The following ROBO1 variants were observed in gnomAD, a reference collection of about 807,000 sequenced individuals.
ROBO1 encodes the protein roundabout guidance receptor 1, also known as roundabout homolog 1.
Under a neutral mutation model 195.9 loss-of-function variants are expected in ROBO1, and 149 were observed. The observed-to-expected ratio is 0.76, with a 90% CI of 0.67 to 0.87. The LOEUF is 0.87. Ranked by LOEUF, ROBO1 falls within the 40% of genes least tolerant of loss-of-function variation. The probability of loss-of-function intolerance (pLI) is 0.00; values close to 1 mark genes in which losing one functional copy is unlikely to be tolerated. For missense variants in ROBO1, 1,933 were observed against 2,068.3 expected, an observed-to-expected ratio of 0.93 and a Z score of 1.27; for synonymous variants, 816 against 733.2, an observed-to-expected ratio of 1.11 and a Z score of -1.82.
chr3:78,804,933 A>C (rs2084489500), intron 4 of ROBO1, among the ~76,000 whole-genome samples: 1 of 152,014 alleles, frequency 6.6e-6, no homozygotes, highest in Non-Finnish European at 1.5e-5. Flanking sequence ...GGCTTGTAAA[A>C]GCTCCTTGAA....
At chr3:79,337,689 C>G (rs892342689) in intron 2 of ROBO1, among the ~76,000 whole-genome samples, 1 of 152,126 alleles carries the variant, frequency 6.6e-6, no homozygotes, top group African/African-American at 2.4e-5. Flanking sequence ...TATACTTTAT[C>G]AAAATATTTA....
intron 2 of ROBO1, among the ~76,000 whole-genome samples, chr3:79,386,306 C>T (rs984494365): frequency 6.6e-5 from 10 of 151,914 alleles, no homozygotes; most frequent in Non-Finnish European, 1.3e-4. Context: ...TTTGTACAAA[C>T]TCAATGACTA....
chr3:78,950,057 T>C (rs1359658105), intron 3 of ROBO1, among the ~76,000 whole-genome samples: 2 of 152,300 alleles, frequency 1.3e-5, no homozygotes, highest in Admixed American at 6.5e-5. Context: ...TTTTCCACTG[T>C]TGGTGGGACT....
At chr3:79,562,920 T>A (rs150359904) in intron 2 of ROBO1, among the ~76,000 whole-genome samples, 1 of 151,990 alleles carries the variant, frequency 6.6e-6, no homozygotes, top group Admixed American at 6.6e-5. Flanking sequence ...TGATCATAAA[T>A]GAACTAAAGA....
At chr3:79,595,418 G>A (rs1056456909) in intron 1 of ROBO1, among the ~76,000 whole-genome samples, 4 of 151,934 alleles carry the variant, frequency 2.6e-5, no homozygotes, top group African/African-American at 9.7e-5. Context: ...ATCAGTGCAC[G>A]ACACCTATTT....
intron 2 of ROBO1, among the ~76,000 whole-genome samples, chr3:79,373,355 C>A (rs1290002920): frequency 1.3e-5 from 2 of 152,148 alleles, no homozygotes; most frequent in East Asian, 3.9e-4. Context: ...CTTCACTTTG[C>A]CTTATTTCTG....
intron 1 of ROBO1, among the ~76,000 whole-genome samples, chr3:79,754,186 C>T (rs1257644270): frequency 6.6e-6 from 1 of 151,828 alleles, no homozygotes; most frequent in Non-Finnish European, 1.5e-5. Context: ...GAGCCATGGC[C>T]CCAAGGAAAT....
At chr3:79,222,162 T>C (rs553316263) in intron 2 of ROBO1, among the ~76,000 whole-genome samples, 59 of 152,040 alleles carry the variant, frequency 3.9e-4, no homozygotes, top group Non-Finnish European at 5.7e-4. Context: ...TTTCCTCTCA[T>C]CATAAACATT....
chr3:79,687,085 T>G lies in ROBO1; in HGVS notation c.-51+80667A>C, dbSNP rs112388762. On this transcript the variant is annotated intron_variant, in intron 1 of 30. Transcript: ENST00000464233. ...CCGCTTATCTACAACCGTCTGATCTTTGACAAACCTGAGAAAAACAAGAAA... is the reference window on the plus strand; with the variant it reads ...CCGCTTATCTACAACCGTCTGATCTGTGACAAACCTGAGAAAAACAAGAAA... 2.0e-3 allele frequency among the ~76,000 whole-genome samples: 309 copies of G among 152,286 alleles called. 3 individuals are homozygous for G. The highest frequency in any genetic ancestry group is 3.5e-3 in the Non-Finnish European group (236 of 68,012).
intron 2 of ROBO1, among the ~76,000 whole-genome samples, chr3:79,402,567 T>C (rs1320119142): frequency 6.6e-6 from 1 of 151,928 alleles, no homozygotes; most frequent in Non-Finnish European, 1.5e-5. Flanking sequence ...ATGTGCTCAC[T>C]CTTTATGGAC....
At chr3:79,202,820 T>A (rs1223429077) in intron 2 of ROBO1, among the ~76,000 whole-genome samples, 1 of 152,096 alleles carries the variant, frequency 6.6e-6, no homozygotes, top group Non-Finnish European at 1.5e-5. Flanking sequence ...GCCTTAATTT[T>A]GGTTTCCAAA....
At chr3:79,341,992 T>G (rs1490065783) in intron 2 of ROBO1, among the ~76,000 whole-genome samples, 2 of 152,086 alleles carry the variant, frequency 1.3e-5, no homozygotes, top group African/African-American at 4.8e-5. Flanking sequence ...TTATTACATG[T>G]TGAGGGAAAA....
chr3:78,820,473 C>A (rs948598342), intron 4 of ROBO1, among the ~76,000 whole-genome samples: 3 of 152,118 alleles, frequency 2.0e-5, no homozygotes, highest in African/African-American at 7.2e-5. Context: ...GTAGGTAGAA[C>A]AAATGCTTGT....
At chr3:79,564,246 G>T (rs529489972) in intron 2 of ROBO1, among the ~76,000 whole-genome samples, 1 of 152,202 alleles carries the variant, frequency 6.6e-6, no homozygotes, top group South Asian at 2.1e-4. Flanking sequence ...TTTTCTGTGT[G>T]CATTGGTTCT....
chr3:78,686,465 G>A (rs189505586), intron 9 of ROBO1, among the ~76,000 whole-genome samples: 140 of 151,624 alleles, frequency 9.2e-4, no homozygotes, highest in Middle Eastern at 6.8e-3. Flanking sequence ...TGAGGCAGGA[G>A]AATGGCGTGA....
chr3:79,153,354 C>A (rs1026233120), intron 2 of ROBO1, among the ~76,000 whole-genome samples: 1 of 151,616 alleles, frequency 6.6e-6, no homozygotes, highest in Non-Finnish European at 1.5e-5. Flanking sequence ...TTATTTAGTG[C>A]TAATTTTGAG....
chr3:79,334,681 T>C (rs138947691), intron 2 of ROBO1, among the ~76,000 whole-genome samples: 3 of 152,232 alleles, frequency 2.0e-5, no homozygotes, highest in Non-Finnish European at 4.4e-5. Context: ...TTTTGTGGCA[T>C]ATGTAATAGT....
intron 2 of ROBO1, among the ~76,000 whole-genome samples, chr3:79,269,144 A>G (rs2030279959): frequency 1.3e-5 from 2 of 151,594 alleles, no homozygotes; most frequent in African/African-American, 4.8e-5. Flanking sequence ...CTCTAAATAC[A>G]TGTGTTTGCA....
Position 78,746,875 on chromosome 3 carries a change from G to A in ROBO1, c.525C>T (p.Asn175=), listed in dbSNP as rs2082671721. 13 of 1,580,124 alleles carry A rather than the reference G, an allele frequency of 8.2e-6. No homozygotes were observed. The highest frequency in any genetic ancestry group is 1.1e-5 in the Non-Finnish European group (13 of 1,157,950). Residue 175 remains asparagine, a synonymous_variant, in exon 5 of 31, where the codon AAC becomes AAT. Transcript: ENST00000464233. The part of the protein sequence containing the change: ...VAILRDDFRQ[N]PSDVMVAVGE... ...CTACTGCAACCATGACATCCGAAGGGTTTTGTCTGAAGTCATCCCGAAGTA... is the reference window on the plus strand; with the variant it reads ...CTACTGCAACCATGACATCCGAAGGATTTTGTCTGAAGTCATCCCGAAGTA...
Sources: allele counts gnomAD v4.1 joint callset (sites outside exome capture counted in the v4.1 genomes callset), GRCh38; gene constraint gnomAD v4.1.1; transcripts MANE v1.5; gene names NCBI Gene and HGNC (gene_info 2026-07-23, HGNC 2026-07-21).